The following ARID4A variants were observed in gnomAD, a reference collection of about 807,000 sequenced individuals.
The protein encoded by ARID4A is AT-rich interactive domain-containing protein 4A.
In ARID4A, 39 loss-of-function variants were observed where a neutral mutation model predicts 148.6. The ratio of observed to expected loss-of-function variants is 0.26; its 90% CI spans 0.20 to 0.34. ARID4A has a LOEUF of 0.34. Ranked by LOEUF, ARID4A falls within the 10% of genes least tolerant of loss-of-function variation. The probability of loss-of-function intolerance (pLI) is 1.00; values close to 1 mark genes in which losing one functional copy is unlikely to be tolerated. For synonymous variants in ARID4A, 475 were observed against 481.2 expected (o/e 0.99, Z 0.17); for missense variants, 1,265 against 1,449.1 (o/e 0.87, Z 2.06).
In ARID4A at chr14:58,329,300, T is replaced by C. The variant is rs1382543498; in HGVS notation, c.663-228T>C. 2.0e-5 allele frequency among the ~76,000 whole-genome samples: 3 copies of C among 152,338 alleles called. No individual in the cohort carries two copies. In the East Asian group the frequency reaches 5.8e-4, roughly 29 times the overall value. On this transcript the variant is annotated intron_variant, in intron 9 of 23. Transcript: ENST00000355431. The stretch of plus-strand genomic sequence containing the variant: ...GAGGATTGTATAGATTGAAATATTG[T>C]GAATGTGAGGCTCTCAATGTACTTT...
At position 58,330,114 on chromosome 14, in the gene ARID4A, C is replaced by A; in HGVS notation, c.851C>A (p.Ala284Asp). The change falls in exon 11 of 24, where the codon GCT becomes GAT. Residue 284 changes from alanine (A) to aspartate (D), a missense_variant. Ala to Asp is a moderately radical substitution (Grantham distance 126). Transcript: ENST00000355431. Reference sequence around the variant, plus strand: ...AGTAGTGATGATGAAGATGGCCCAGCTGAAGAAAATGATGAAGAGAAGGAA... The same window carrying A: ...AGTAGTGATGATGAAGATGGCCCAGATGAAGAAAATGATGAAGAGAAGGAA... ...SSSSDDEDGP[A>D]EENDEEKEKE... is the part of the protein sequence containing the mutation. 6.2e-7 allele frequency: 1 copy of A among 1,612,996 alleles called. No individual in the cohort carries two copies. The highest frequency in any genetic ancestry group is 8.5e-7 in the Non-Finnish European group (1 of 1,179,692).
chr14:58,348,005 A>C, intron 15 of ARID4A, 127 bp downstream of exon 15: 1 of 642,376 alleles, frequency 1.6e-6, no homozygotes, highest in Non-Finnish European at 2.6e-6. Context: ...AATGCTGCTT[A>C]GCTAGCTACT....
At chr14:58,318,519 C>T in intron 5 of ARID4A, 23 bp from the exon 6 acceptor site, 1 of 1,609,478 alleles carries the variant, frequency 6.2e-7, no homozygotes, top group Non-Finnish European at 8.5e-7. Context: ...CATAAATTCT[C>T]TGTTATCTTT....
At chr14:58,342,569 T>C (rs2034165942) in intron 11 of ARID4A, among the ~76,000 whole-genome samples, 1 of 152,206 alleles carries the variant, frequency 6.6e-6, no homozygotes, top group African/African-American at 2.4e-5. Flanking sequence ...AAGAATTGCT[T>C]TTACATATAT....
intron 1 of ARID4A, 158 bp from the exon 2 acceptor site, chr14:58,299,640 C>G: frequency 1.6e-6 from 1 of 626,390 alleles, no homozygotes. Context: ...CTCGCTGCCC[C>G]CTCAGCTCCT....
At position 58,373,195 on chromosome 14, in the gene ARID4A, G is replaced by A. The variant is rs1025593473; in HGVS notation, c.*1206G>A. ...CAGTTTTTATGTTTGCTATACTGCC[G>A]AATGAATTTATATCTCCCAAAGTTG... On this transcript the variant is annotated 3_prime_UTR_variant, in exon 24 of 24. Transcript: ENST00000355431. 1.0e-5 allele frequency: 2 copies of A among 200,456 alleles called. No individual in the cohort carries two copies. The highest frequency in any genetic ancestry group is 1.0e-5 in the Non-Finnish European group (1 of 97,010). 12.4% of individuals were successfully genotyped at this position (200,456 alleles called of 1,614,324 possible). A position where few individuals can be genotyped will look rare whatever the true frequency, so the allele number is the denominator to read the frequency against.
chr14:58,337,382 T>G (rs886813713), intron 11 of ARID4A, among the ~76,000 whole-genome samples: 1 of 151,244 alleles, frequency 6.6e-6, no homozygotes, highest in Non-Finnish European at 1.5e-5. Flanking sequence ...GGATTTTTGT[T>G]TTTTCCTTTT....
At chr14:58,317,099 G>A (rs1315688641) in intron 5 of ARID4A, among the ~76,000 whole-genome samples, 3 of 147,678 alleles carry the variant, frequency 2.0e-5, no homozygotes, top group South Asian at 2.2e-4. Context: ...AGGCTGAGGC[G>A]GGAGAATGGC....
chr14:58,301,745 GGAGA>G lies in ARID4A; in HGVS notation c.117+62_117+65del, dbSNP rs1370486976. 2.1e-5 allele frequency: 29 copies of G among 1,356,084 alleles called. No homozygotes were observed. The Admixed American group carries it at 5.0e-4, about 23-fold the overall frequency. The allele number at this position is 1,356,084 out of a possible 1,614,324, so 84.0% of individuals were successfully genotyped here. A position where few individuals can be genotyped will look rare whatever the true frequency, so the allele number is the denominator to read the frequency against. On this transcript the variant is annotated intron_variant, in intron 3 of 23. Transcript: ENST00000355431. Reference sequence around the variant, plus strand: ...TTAACTCTAGATTGAAGAAATTTGGGGAGAGAGAGACTGCAAATCAGCATTTTAT... The same window carrying G: ...TTAACTCTAGATTGAAGAAATTTGGGGAGAGACTGCAAATCAGCATTTTAT...
intron 22 of ARID4A, 44 bp downstream of exon 22, chr14:58,366,274 G>T: frequency 1.5e-6 from 2 of 1,361,548 alleles, no homozygotes; most frequent in African/African-American, 1.5e-5. Context: ...ACTGTAAAGT[G>T]GAATAGATCT....
At chr14:58,358,425 C>T (rs1213477358) in intron 17 of ARID4A, among the ~76,000 whole-genome samples, 1 of 152,050 alleles carries the variant, frequency 6.6e-6, no homozygotes, top group African/African-American at 2.4e-5. Context: ...CGAGATGGCA[C>T]CACTGCATGT....
Position 58,371,941 on chromosome 14 carries a change from CTCA to C in ARID4A, c.3735_3737del (p.Ser1246del), listed in dbSNP as rs1414759254. ...CTTCATCAGACACTGGAATGAGTCC[CTCA>C]TCATCATCTCCCCCACAAAATGTAC... On this transcript the variant is annotated inframe_deletion, in exon 24 of 24. Coordinates refer to ENST00000355431, the MANE Select transcript of ARID4A (RefSeq NM_002892.4). 12 of 1,613,066 alleles carry C rather than the reference CTCA, an allele frequency of 7.4e-6. No individual in the cohort carries two copies. Among genetic ancestry groups the C allele is most frequent in the Non-Finnish European group, 1.0e-5 (12 of 1,179,104 alleles).
In ARID4A at chr14:58,318,786, A is replaced by G. The variant is rs762648248; in HGVS notation, c.430A>G (p.Arg144Gly). The G allele has an allele frequency of 1.2e-5, 20 of 1,613,116 alleles. 1 individual carries two copies. Among genetic ancestry groups the G allele is most frequent in the Admixed American group, 3.3e-5 (2 of 60,012 alleles). The change falls in exon 7 of 24, where the codon AGG becomes GGG. Residue 144 changes from arginine to glycine, a missense_variant. Transcript: ENST00000355431. ...AATTGCAAAGAAGACGAACAGAGGA[A>G]GGAGATCTTCTCTTCCTGTGTGAGT... ...PVIAKKTNRG[R>G]RSSLPVTEDE...
intron 5 of ARID4A, among the ~76,000 whole-genome samples, chr14:58,306,430 C>G (rs965465928): frequency 6.6e-6 from 1 of 152,078 alleles, no homozygotes; most frequent in African/African-American, 2.4e-5. Context: ...TGCATAGTTG[C>G]GATCGTTACT....
chr14:58,339,870 GA>G (rs2034022894), intron 11 of ARID4A, among the ~76,000 whole-genome samples: 1 of 151,746 alleles, frequency 6.6e-6, no homozygotes, highest in African/African-American at 2.4e-5. Flanking sequence ...GAGAGAGAGA[GA>G]GAGCATGAGC....
intron 7 of ARID4A, among the ~76,000 whole-genome samples, chr14:58,320,370 A>G (rs2032790006): frequency 6.6e-6 from 1 of 152,204 alleles, no homozygotes; most frequent in African/African-American, 2.4e-5. Context: ...TACATAACCA[A>G]AGTATGAATA....
intron 1 of ARID4A, among the ~76,000 whole-genome samples, chr14:58,298,915 C>A (rs953961766): frequency 6.6e-6 from 1 of 152,188 alleles, no homozygotes; most frequent in Non-Finnish European, 1.5e-5. Flanking sequence ...CCTCCTCGTC[C>A]GCTTCCTCGG....
intron 5 of ARID4A, among the ~76,000 whole-genome samples, chr14:58,316,849 A>G (rs59830334): frequency 6.6e-6 from 1 of 151,382 alleles, no homozygotes; most frequent in Non-Finnish European, 1.5e-5. Context: ...CAAAGTGCTG[A>G]GATTACAGGC....
At chr14:58,303,608 A>C in intron 3 of ARID4A, 2 of 460,012 alleles carry the variant, frequency 4.3e-6, no homozygotes, top group Non-Finnish European at 9.2e-6. Context: ...TGCCTGATAC[A>C]TAGTGGACCC....
Sources: allele counts gnomAD v4.1 joint callset (sites outside exome capture counted in the v4.1 genomes callset), GRCh38; gene constraint gnomAD v4.1.1; transcripts MANE v1.5; gene names NCBI Gene and HGNC (gene_info 2026-07-23, HGNC 2026-07-21).